The following ARRDC5 variants were observed in gnomAD, a reference collection of about 807,000 sequenced individuals.
ARRDC5 encodes arrestin domain-containing protein 5.
In ARRDC5, 12 loss-of-function variants were observed where a neutral mutation model predicts 13.3. The ratio of observed to expected loss-of-function variants is 0.90; its 90% CI spans 0.58 to 1.46. The LOEUF (loss-of-function observed/expected upper bound fraction) is 1.46. Ranked by LOEUF, ARRDC5 falls within the 40% of genes most tolerant of loss-of-function variation. The probability of loss-of-function intolerance (pLI) is 0.00; values close to 1 mark genes in which losing one functional copy is unlikely to be tolerated. For synonymous variants in ARRDC5, 181 were observed against 173.4 expected (o/e 1.04, Z -0.34); for missense variants, 406 against 418.7 (o/e 0.97, Z 0.26).
the ARRDC5 span, among the ~76,000 whole-genome samples, chr19:4,908,655 G>A: frequency 1.3e-5 from 2 of 152,168 alleles, no homozygotes; most frequent in African/African-American, 4.8e-5. Context: ...CAGTGAGAGA[G>A]TATCCTCTCT....
intron 1 of ARRDC5, among the ~76,000 whole-genome samples, chr19:4,899,985 T>C (rs1194043912): frequency 6.7e-6 from 1 of 148,392 alleles, no homozygotes; most frequent in Non-Finnish European, 1.5e-5. Context: ...GCAACATTTT[T>C]TTTTTCTGAG....
At chr19:4,909,573 T>A in the ARRDC5 span, 1 of 655,432 alleles carries the variant, frequency 1.5e-6, no homozygotes, top group Non-Finnish European at 2.7e-6. Flanking sequence ...CCGCGCGGGG[T>A]CCGGGCCACG....
At chr19:4,896,632 T>G in intron 2 of ARRDC5, 39 bp downstream of exon 2, 46 of 1,481,334 alleles carry the variant, frequency 3.1e-5, no homozygotes, top group Non-Finnish European at 4.2e-5. Context: ...CCTTGGAGCT[T>G]GGAGATTGTT....
rs745734884 is a variant in ARRDC5 at position 4,891,549 on chromosome 19, C to T, written c.484G>A (p.Glu162Lys). The T allele has an allele frequency of 1.2e-6, 2 of 1,613,246 alleles. No individual in the cohort carries two copies. The highest frequency in any genetic ancestry group is 2.7e-5 in the African/African-American group (2 of 75,024). ...FQNPLFVEAEEKVSYNCCRQG... is the reference protein window; with the variant it reads ...FQNPLFVEAEKKVSYNCCRQG... Reference sequence around the variant, plus strand: ...CGGCAGCAGTTGTAGGAGACTTTCTCCTCAGCCTCCACGAACAAGGGGTTC... The same window carrying T: ...CGGCAGCAGTTGTAGGAGACTTTCTTCTCAGCCTCCACGAACAAGGGGTTC... Residue 162 changes from glutamate to lysine, a missense_variant, in exon 3 of 3, where the codon GAG (glutamate) becomes AAG (lysine). Physicochemically the swap from Glu to Lys is moderately conservative, Grantham distance 56. Coordinates refer to ENST00000650722, the MANE Select transcript of ARRDC5 (RefSeq NM_001080523.3).
the ARRDC5 span, among the ~76,000 whole-genome samples, chr19:4,911,901 G>A: frequency 2.0e-5 from 3 of 152,250 alleles, no homozygotes; most frequent in Non-Finnish European, 4.4e-5. Flanking sequence ...ATTAAAAGTC[G>A]TCAGTTGAGC....
At chr19:4,915,560 A>G in the ARRDC5 span, among the ~76,000 whole-genome samples, 11 of 152,128 alleles carry the variant, frequency 7.2e-5, no homozygotes, top group Non-Finnish European at 2.9e-5. Flanking sequence ...TAAAAATACA[A>G]AAATTAGCCA....
intron 2 of ARRDC5, among the ~76,000 whole-genome samples, chr19:4,892,849 C>T (rs980489515): frequency 3.6e-4 from 55 of 151,500 alleles, no homozygotes; most frequent in African/African-American, 1.2e-3. Flanking sequence ...TATGGCCAGG[C>T]GCTCCCAGCA....
At chr19:4,911,127 C>A in the ARRDC5 span, 8 of 1,214,486 alleles carry the variant, frequency 6.6e-6, no homozygotes, top group Admixed American at 8.2e-5. Flanking sequence ...CCTCCCACCT[C>A]CCCCCCCAAC....
intron 2 of ARRDC5, among the ~76,000 whole-genome samples, chr19:4,895,422 CAAAAAAAAAA>C (rs1039157516): frequency 2.8e-5 from 2 of 70,710 alleles, no homozygotes; most frequent in African/African-American, 9.7e-5. Context: ...GACTCCGTCT[CAAAAAAAAAA>C]AAAAAAAAAA....
chr19:4,896,903 C>G, intron 1 of ARRDC5, 27 bp from the exon 2 acceptor site: 1 of 1,529,750 alleles, frequency 6.5e-7, no homozygotes, highest in African/African-American at 1.4e-5. Context: ...CCGATGCCAT[C>G]AGAAGGTTCT....
chr19:4,913,764 G>A, the ARRDC5 span, among the ~76,000 whole-genome samples: 3 of 149,554 alleles, frequency 2.0e-5, no homozygotes, highest in Non-Finnish European at 4.4e-5. Context: ...CTTCATAACC[G>A]CCTCTTAGTT....
Position 4,891,428 on chromosome 19 carries a change from C to A in ARRDC5, c.605G>T (p.Ser202Ile). ...VFTTEINNQT[S>I]KCIKTVVFAL... Reference sequence around the variant, plus strand: ...GAATACGACCGTCTTGATGCATTTGCTGGTCTGGTTGTTGATCTCTGTTGT... The same window carrying A: ...GAATACGACCGTCTTGATGCATTTGATGGTCTGGTTGTTGATCTCTGTTGT... Residue 202 changes from serine (S) to isoleucine (I), a missense_variant, in exon 3 of 3, where the codon AGC becomes ATC. Transcript: ENST00000650722. The A allele has an allele frequency of 6.2e-7, 1 of 1,613,488 alleles. No homozygotes were observed. Among genetic ancestry groups the A allele is most frequent in the Non-Finnish European group, 8.5e-7 (1 of 1,179,900 alleles).
intron 2 of ARRDC5, among the ~76,000 whole-genome samples, chr19:4,891,904 G>A (rs1358602080): frequency 1.3e-5 from 2 of 148,966 alleles, no homozygotes; most frequent in Non-Finnish European, 3.0e-5. Context: ...GCAGTGAGCC[G>A]AGATTGTGTG....
chr19:4,911,183 C>T, the ARRDC5 span: 3 of 757,440 alleles, frequency 4.0e-6, no homozygotes, highest in African/African-American at 5.4e-5. Context: ...GAGAAGTCCA[C>T]AGAAACCTCA....
At chr19:4,905,227 C>T (rs1237050102), upstream of ARRDC5, among the ~76,000 whole-genome samples, 3 of 149,372 alleles carry the variant, frequency 2.0e-5, no homozygotes, top group African/African-American at 7.5e-5. Flanking sequence ...CGCCATTCTC[C>T]TGCCTCAGCC....
the ARRDC5 span, among the ~76,000 whole-genome samples, chr19:4,916,695 C>T: frequency 1.3e-5 from 2 of 152,242 alleles, no homozygotes; most frequent in Non-Finnish European, 2.9e-5. Context: ...GATCCTCCTG[C>T]ATCCGTTTTT....
rs768669471 is a variant in ARRDC5 at position 4,902,707 on chromosome 19, A to C, written c.119T>G (p.Val40Gly). The change falls in exon 1 of 3, where the codon GTG (valine) becomes GGG (glycine). Residue 40 changes from valine to glycine, a missense_variant. Physicochemically the swap from Val to Gly is moderately radical, Grantham distance 109 (BLOSUM62 -3). Transcript: ENST00000650722. ...TLNSTLVDPI[V>G]KVELVGRGYV... ...ACCCCTTCCCACGAGCTCCACCTTC[A>C]CTATGGGGTCCACCAGGGTGCTGTT... 16 of 1,613,950 alleles carry C rather than the reference A, an allele frequency of 9.9e-6. No homozygotes were observed. The South Asian group carries it at 1.4e-4, about 14-fold the overall frequency.
intron 2 of ARRDC5, 58 bp downstream of exon 2, chr19:4,896,613 C>T: frequency 7.4e-7 from 1 of 1,356,150 alleles, no homozygotes; most frequent in Non-Finnish European, 1.1e-6. Flanking sequence ...GCCCACCTTC[C>T]CTCTTCCTCC....
Position 4,898,695 on chromosome 19 carries a change from C to CTT in ARRDC5, c.254-1821_254-1820dup, listed in dbSNP as rs1375139723. Among the ~76,000 whole-genome samples the CTT allele has an allele frequency of 4.4e-5, 6 of 135,584 alleles. No individual in the cohort carries two copies. In the South Asian group the frequency reaches 9.1e-4, roughly 20 times the overall value. The allele number at this position is 135,584 out of a possible 152,430, so 88.9% of individuals were successfully genotyped here. A position where few individuals can be genotyped will look rare whatever the true frequency, so the allele number is the denominator to read the frequency against. ...TTTTTTTTTTTGAGACAGGGTCTCA[C>CTT]TTTGTCACTCAGCCTGGACCTCTTG... On this transcript the variant is annotated intron_variant, in intron 1 of 2. Coordinates refer to ENST00000650722, the MANE Select transcript of ARRDC5 (RefSeq NM_001080523.3).
Sources: gnomAD v4.1 joint callset for allele counts (sites outside exome capture counted in the v4.1 genomes callset) on GRCh38, gnomAD v4.1.1 for gene constraint, MANE v1.5 for transcripts, NCBI Gene and HGNC (gene_info 2026-07-23, HGNC 2026-07-21) for gene names.